RELCH: variants seen among roughly 807,000 people sequenced by gnomAD.
The protein encoded by RELCH is RAB11-binding protein RELCH.
In RELCH, 41 loss-of-function variants were observed where a neutral mutation model predicts 150.3. The observed-to-expected ratio is 0.27, with a 90% CI of 0.21 to 0.35. The LOEUF is 0.35. RELCH is among the 10% of genes least tolerant of loss of function. RELCH has a pLI of 1.00. For missense variants in RELCH, 1,092 were observed against 1,467.8 expected, an observed-to-expected ratio of 0.74 and a Z score of 4.18; for synonymous variants, 478 against 531.8, an observed-to-expected ratio of 0.90 and a Z score of 1.39.
intron 15 of RELCH, among the ~76,000 whole-genome samples, chr18:62,258,967 G>C (rs1440374858): frequency 2.6e-5 from 4 of 151,990 alleles, no homozygotes; most frequent in Admixed American, 2.6e-4. Flanking sequence ...TGACCCTTCT[G>C]AGTACTTAAA....
intron 13 of RELCH, among the ~76,000 whole-genome samples, chr18:62,257,184 G>A (rs1366161302): frequency 1.3e-5 from 2 of 152,042 alleles, no homozygotes; most frequent in South Asian, 2.1e-4. Flanking sequence ...AAGTAGGAGA[G>A]GAGGAGCATG....
chr18:62,268,813 T>G (rs1457987114), intron 19 of RELCH, 56 bp from the exon 20 acceptor site: 1 of 905,840 alleles, frequency 1.1e-6, no homozygotes, highest in East Asian at 2.9e-5. Context: ...ATTATGATTT[T>G]TTTCTTTACA....
At chr18:62,282,590 G>A in intron 25 of RELCH, 146 bp downstream of exon 25, 3 of 747,712 alleles carry the variant, frequency 4.0e-6, no homozygotes, top group Non-Finnish European at 4.6e-6. Flanking sequence ...GTACTCTTGT[G>A]TACTGAAAGC....
At chr18:62,194,564 G>A (rs2148189933) in intron 1 of RELCH, among the ~76,000 whole-genome samples, 1 of 152,240 alleles carries the variant, frequency 6.6e-6, no homozygotes, top group African/African-American at 2.4e-5. Context: ...GTATAAAACT[G>A]TGCTCAGTAC....
intron 15 of RELCH, among the ~76,000 whole-genome samples, chr18:62,259,473 GA>G (rs201195128): frequency 6.6e-6 from 1 of 151,312 alleles, no homozygotes; most frequent in East Asian, 1.9e-4. Flanking sequence ...ACTGATGAAA[GA>G]AATTGAAGAG....
chr18:62,249,293 T>C (rs2042579868), intron 11 of RELCH, among the ~76,000 whole-genome samples: 1 of 152,172 alleles, frequency 6.6e-6, no homozygotes, highest in South Asian at 2.1e-4. Context: ...TCTATAGACT[T>C]TGAAATTCTA....
chr18:62,270,692 C>T (rs1181162151), intron 20 of RELCH, among the ~76,000 whole-genome samples: 3 of 151,916 alleles, frequency 2.0e-5, no homozygotes, highest in South Asian at 2.1e-4. Flanking sequence ...ATGTGCACAA[C>T]GTTCAAGTTC....
chr18:62,269,956 A>C (rs1483564616), intron 20 of RELCH, among the ~76,000 whole-genome samples: 1 of 152,164 alleles, frequency 6.6e-6, no homozygotes. Flanking sequence ...TTGTTACTGC[A>C]TAACAAACTA....
At chr18:62,253,746 A>G (rs778018622) in intron 12 of RELCH, among the ~76,000 whole-genome samples, 55 of 152,288 alleles carry the variant, frequency 3.6e-4, no homozygotes, top group South Asian at 2.9e-3. Flanking sequence ...ACATATAATA[A>G]TAACTACCTG....
At chr18:62,272,645 A>G (rs1346578106) in intron 20 of RELCH, among the ~76,000 whole-genome samples, 1 of 152,152 alleles carries the variant, frequency 6.6e-6, no homozygotes, top group Non-Finnish European at 1.5e-5. Flanking sequence ...AATTTTTGTT[A>G]GGGTAAATTA....
chr18:62,215,972 A>G (rs186287932), intron 2 of RELCH, among the ~76,000 whole-genome samples: 2 of 152,300 alleles, frequency 1.3e-5, no homozygotes. Context: ...ATTTTTATAT[A>G]AAATGATTTA....
At chr18:62,229,560 A>C (rs1404035447) in intron 8 of RELCH, among the ~76,000 whole-genome samples, 1 of 151,298 alleles carries the variant, frequency 6.6e-6, no homozygotes, top group Non-Finnish European at 1.5e-5. Flanking sequence ...CAGAACTGAA[A>C]CAGACATGGC....
chr18:62,257,893 T>C (rs1285123709), intron 13 of RELCH, 55 bp from the exon 14 acceptor site: 14 of 1,332,916 alleles, frequency 1.1e-5, no homozygotes, highest in Non-Finnish European at 1.2e-5. Flanking sequence ...TCATATTATT[T>C]TCTATACTTC....
intron 1 of RELCH, among the ~76,000 whole-genome samples, chr18:62,201,661 A>G (rs1018027017): frequency 6.6e-6 from 1 of 152,196 alleles, no homozygotes; most frequent in Non-Finnish European, 1.5e-5. Flanking sequence ...TATTATTAAT[A>G]ATGTATTGTG....
chr18:62,196,294 A>G (rs984242469), intron 1 of RELCH, among the ~76,000 whole-genome samples: 2 of 152,050 alleles, frequency 1.3e-5, no homozygotes, highest in African/African-American at 4.8e-5. Flanking sequence ...CAGTGGCACA[A>G]TCTTGGCTCG....
intron 26 of RELCH, among the ~76,000 whole-genome samples, chr18:62,287,986 A>G (rs1182751067): frequency 6.6e-6 from 1 of 152,154 alleles, no homozygotes; most frequent in Admixed American, 6.5e-5. Flanking sequence ...ATGTAGGTCC[A>G]TGTCAGTGAC....
At chr18:62,270,219 T>C (rs1284582285) in intron 20 of RELCH, among the ~76,000 whole-genome samples, 1 of 152,228 alleles carries the variant, frequency 6.6e-6, no homozygotes, top group Non-Finnish European at 1.5e-5. Context: ...CAGAATCTGC[T>C]AGGCTAAGGC....
rs117167995 is a variant in RELCH, at chr18:62,199,673, G to A, written c.527-11480G>A. On this transcript the variant is annotated intron_variant, in intron 1 of 28. Transcript: ENST00000644646. ...ATTCCATCAAAGCTCTGTTTCTGAGGCCATTCACAACATCAAACCCAACTT... is the reference window on the plus strand; with the variant it reads ...ATTCCATCAAAGCTCTGTTTCTGAGACCATTCACAACATCAAACCCAACTT... Among the ~76,000 whole-genome samples the A allele has an allele frequency of 5.1e-4, 78 of 152,242 alleles. 1 individual carries two copies. In the East Asian group the frequency reaches 0.015, roughly 29 times the overall value.
chr18:62,196,600 G>A (rs573671687), intron 1 of RELCH, among the ~76,000 whole-genome samples: 1 of 152,150 alleles, frequency 6.6e-6, no homozygotes, highest in South Asian at 2.1e-4. Context: ...CTATTCTCTG[G>A]GCCATAGACG....
Sources: gnomAD v4.1 joint callset for allele counts (sites outside exome capture counted in the v4.1 genomes callset) on GRCh38, gnomAD v4.1.1 for gene constraint, MANE v1.5 for transcripts, NCBI Gene and HGNC (gene_info 2026-07-23, HGNC 2026-07-21) for gene names.